Variants in SIAE observed in about 807,000 individuals in gnomAD.
The protein encoded by SIAE is sialic acid acetylesterase.
In SIAE, 39 loss-of-function variants were observed where a neutral mutation model predicts 52.6. The ratio of observed to expected loss-of-function variants is 0.74; its 90% CI spans 0.57 to 0.97. The LOEUF (loss-of-function observed/expected upper bound fraction) is 0.97, where lower values mean the gene tolerates loss of function less well. SIAE is among the 50% of genes least tolerant of loss of function. The pLI is 0.00. For synonymous variants in SIAE, 233 were observed against 241.4 expected, an observed-to-expected ratio of 0.97 and a Z score of 0.32; for missense variants, 592 against 662.1, an observed-to-expected ratio of 0.89 and a Z score of 1.16.
intron 2 of SIAE, among the ~76,000 whole-genome samples, chr11:124,669,010 G>A (rs1489973759): frequency 1.3e-5 from 2 of 152,046 alleles, no homozygotes; most frequent in Admixed American, 1.3e-4. Context: ...CATCTTCTGT[G>A]GAAACCTTCC....
At chr11:124,643,899 ACTGCATTTT>A (rs1360722330) in intron 7 of SIAE, among the ~76,000 whole-genome samples, 1 of 152,088 alleles carries the variant, frequency 6.6e-6, no homozygotes, top group Non-Finnish European at 1.5e-5. Flanking sequence ...CCATCAGAGG[ACTGCATTTT>A]ACACAGACTG....
intron 3 of SIAE, chr11:124,659,633 C>A: frequency 3.7e-5 from 3 of 80,932 alleles, no homozygotes; most frequent in African/African-American, 1.2e-4. Flanking sequence ...GACCTTATCT[C>A]TTTAAAAAAA....
chr11:124,660,469 C>G, intron 3 of SIAE, 159 bp downstream of exon 3: 1 of 743,256 alleles, frequency 1.3e-6, no homozygotes. Context: ...ATTGTTAAGT[C>G]AAATTAATGA....
intron 3 of SIAE, chr11:124,659,327 C>T (rs1158151358): frequency 2.0e-5 from 3 of 152,200 alleles, no homozygotes; most frequent in Non-Finnish European, 4.4e-5. Flanking sequence ...AATTCTGCTT[C>T]TACACAAAAC....
chr11:124,664,486 A>C (rs1232390154), intron 2 of SIAE, among the ~76,000 whole-genome samples: 1 of 152,052 alleles, frequency 6.6e-6, no homozygotes, highest in African/African-American at 2.4e-5. Context: ...CACCCACCTC[A>C]GTCTCCCGAA....
chr11:124,675,357 A>G (rs368516486), upstream of SIAE: 5 of 1,614,114 alleles, frequency 3.1e-6, no homozygotes, highest in Non-Finnish European at 4.2e-6. Context: ...TGAGAGAGCA[A>G]CCGGACAATA....
Position 124,636,678 on chromosome 11 carries a change from G to A in SIAE, c.*273C>T. 4.1e-6 allele frequency: 2 copies of A among 488,738 alleles called. No individual in the cohort carries two copies. The highest frequency in any genetic ancestry group is 3.8e-5 in the East Asian group (1 of 26,120). 30.3% of individuals were successfully genotyped at this position (488,738 alleles called of 1,614,324 possible). A position where few individuals can be genotyped will look rare whatever the true frequency, so the allele number is the denominator to read the frequency against. The stretch of plus-strand genomic sequence containing the variant: ...AGACATTTCACTCCCATTAATATGA[G>A]GGAAGTAAATGACATTGAGGTCCAA... On this transcript the variant is annotated 3_prime_UTR_variant, in exon 10 of 10. Coordinates refer to ENST00000263593, the MANE Select transcript of SIAE (RefSeq NM_170601.5).
intron 3 of SIAE, among the ~76,000 whole-genome samples, chr11:124,655,174 C>CCTTT (rs1555098374): frequency 8.7e-4 from 118 of 135,062 alleles, no homozygotes; most frequent in African/African-American, 2.9e-3. Flanking sequence ...TTAACTTCTT[C>CCTTT]TTTTTTTTTT....
Position 124,638,049 on chromosome 11 carries a change from AC to A in SIAE, c.1320+492del, listed in dbSNP as rs1376505354. Among the ~76,000 whole-genome samples the A allele has an allele frequency of 2.6e-5, 4 of 152,212 alleles. No homozygotes were observed. In the East Asian group the frequency reaches 7.7e-4, roughly 29 times the overall value. On this transcript the variant is annotated intron_variant, in intron 9 of 9. Transcript: ENST00000263593. The stretch of plus-strand genomic sequence containing the variant: ...ATGGCCCCAGTTCCACAGCAGAATG[AC>A]CCCTGCTAGGTATTAAAAGGACTCT...
intron 2 of SIAE, among the ~76,000 whole-genome samples, chr11:124,668,293 CCTA>C (rs1382806430): frequency 1.3e-5 from 2 of 152,144 alleles, no homozygotes; most frequent in Non-Finnish European, 2.9e-5. Flanking sequence ...CGTAATTATC[CCTA>C]CTCTCTACAA....
chr11:124,675,337 C>G (rs191029144), upstream of SIAE: 9 of 1,614,170 alleles, frequency 5.6e-6, no homozygotes, highest in South Asian at 9.9e-5. Context: ...AGGGCTGACA[C>G]GCGAGATTCT....
rs147175075 is a variant in SIAE at position 124,638,445 on chromosome 11, C to T, written c.1320+97G>A. ...GCTCAGCCCCCAACCAACCAAGACC[C>T]GCCACATCGTAATAACAAAAGAGAT... On this transcript the variant is annotated intron_variant, in intron 9 of 9. Coordinates refer to ENST00000263593, the MANE Select transcript of SIAE (RefSeq NM_170601.5). 2.3e-5 allele frequency: 31 copies of T among 1,354,742 alleles called. 1 individual carries two copies. Among genetic ancestry groups the T allele is most frequent in the South Asian group, 1.7e-4 (14 of 82,466 alleles). The allele number at this position is 1,354,742 out of a possible 1,614,324, so 83.9% of individuals were successfully genotyped here.
rs115975140 is a variant in SIAE at position 124,670,407 on chromosome 11, T to C, written c.68-886A>G. Among the ~76,000 whole-genome samples the C allele has an allele frequency of 2.6e-3, 399 of 152,320 alleles. 1 individual carries two copies. Among genetic ancestry groups the C allele is most frequent in the African/African-American group, 9.4e-3 (390 of 41,562 alleles). Reference sequence around the variant, plus strand: ...AGCCTATATAAAAGTATTTTATTAATACAAACATCCATCCAAATTATCTCA... The same window carrying C: ...AGCCTATATAAAAGTATTTTATTAACACAAACATCCATCCAAATTATCTCA... On this transcript the variant is annotated intron_variant, in intron 1 of 9. Transcript: ENST00000263593. The surrounding 1 kb of genome is among the most constrained non-coding windows in gnomAD (Gnocchi z 4.5).
At chr11:124,655,980 G>C (rs1156753236) in intron 3 of SIAE, among the ~76,000 whole-genome samples, 3 of 140,698 alleles carry the variant, frequency 2.1e-5, no homozygotes, top group African/African-American at 6.5e-5. Flanking sequence ...AAATACTTCA[G>C]ACAAATTTTG....
At chr11:124,654,386 T>C (rs1943063151) in intron 4 of SIAE, 1 of 985,280 alleles carries the variant, frequency 1.0e-6, no homozygotes, top group South Asian at 4.7e-5. Flanking sequence ...CGAGAGATGC[T>C]GGCGGAGCCC....
chr11:124,673,866 G>GTT (rs541892126), upstream of SIAE: 5,446 of 520,566 alleles, frequency 0.01, no homozygotes, highest in East Asian at 0.046. Flanking sequence ...GGCCGCCGTA[G>GTT]TTTTTTTTTT....
intron 4 of SIAE, 30 bp from the exon 5 acceptor site, chr11:124,649,826 G>A: frequency 6.2e-7 from 1 of 1,612,834 alleles, no homozygotes. Context: ...AAGAAAAAGA[G>A]CCAGAGAAAG....
At chr11:124,659,142 C>G (rs1296214753) in intron 3 of SIAE, 1 of 152,148 alleles carries the variant, frequency 6.6e-6, no homozygotes, top group African/African-American at 2.4e-5. Context: ...TTACTCTTAA[C>G]AATCAAAATC....
Position 124,635,831 on chromosome 11 carries a change from A to G in SIAE, c.*1120T>C, listed in dbSNP as rs190916194. The G allele has an allele frequency of 6.6e-6, 1 of 152,214 alleles. No homozygotes were observed. Among genetic ancestry groups the G allele is most frequent in the South Asian group, 2.1e-4 (1 of 4,836 alleles). The allele number at this position is 152,214 out of a possible 1,614,324, so 9.4% of individuals were successfully genotyped here. On this transcript the variant is annotated 3_prime_UTR_variant, in exon 10 of 10. Transcript: ENST00000263593. ...TGCTTTTATTTATTTCCAACTTCTT[A>G]TAGGTAACATAATTTTCAGACAATG...
Sources: allele counts gnomAD v4.1 joint callset (sites outside exome capture counted in the v4.1 genomes callset), GRCh38; gene constraint gnomAD v4.1.1; non-coding constraint Gnocchi (gnomAD v3.1); transcripts MANE v1.5; gene names NCBI Gene and HGNC (gene_info 2026-07-23, HGNC 2026-07-21).